The following EPRS1 variants were observed in gnomAD, a reference collection of about 807,000 sequenced individuals.
EPRS1 encodes the protein glutamyl-prolyl-tRNA synthetase 1, also known as bifunctional glutamate/proline--tRNA ligase.
Under a neutral mutation model 188.3 loss-of-function variants are expected in EPRS1, and 107 were observed. The ratio of observed to expected loss-of-function variants is 0.57; its 90% CI spans 0.49 to 0.67. The LOEUF (loss-of-function observed/expected upper bound fraction) is 0.67. EPRS1 is among the 30% of genes least tolerant of loss of function. EPRS1 has a pLI of 0.00. For synonymous variants in EPRS1, 596 were observed against 593.1 expected (o/e 1.00, Z -0.07); for missense variants, 1,577 against 1,802.2 (o/e 0.88, Z 2.26).
intron 13 of EPRS1, among the ~76,000 whole-genome samples, chr1:220,010,487 G>C (rs1195960659): frequency 6.6e-6 from 1 of 152,022 alleles, no homozygotes; most frequent in Non-Finnish European, 1.5e-5. Context: ...GATTTACTTC[G>C]ATTAGTATCA....
chr1:219,986,779 A>ATGTCTGTG (rs777807074), intron 20 of EPRS1, among the ~76,000 whole-genome samples: 1 of 81,754 alleles, frequency 1.2e-5, no homozygotes, highest in Non-Finnish European at 2.6e-5. Flanking sequence ...GAGAGAAAAT[A>ATGTCTGTG]TGTATGTGTG....
chr1:220,013,632 G>T (rs1009707593), intron 12 of EPRS1, among the ~76,000 whole-genome samples: 3 of 152,154 alleles, frequency 2.0e-5, no homozygotes, highest in African/African-American at 7.2e-5. Flanking sequence ...GTTCACTGAT[G>T]CTTCACTTAA....
At chr1:219,988,558 A>C in intron 19 of EPRS1, 32 bp downstream of exon 19, 1 of 1,467,982 alleles carries the variant, frequency 6.8e-7, no homozygotes, top group Non-Finnish European at 9.5e-7. Context: ...AACATAAAAA[A>C]CAAAAGCATA....
chr1:220,046,383 C>G lies in EPRS1; in HGVS notation c.6G>C (p.Ala2=), dbSNP rs1167880093. 3 of 1,614,122 alleles carry G rather than the reference C, an allele frequency of 1.9e-6. No homozygotes were observed. Among genetic ancestry groups the G allele is most frequent in the Admixed American group, 3.3e-5 (2 of 60,024 alleles). M[A]TLSLTVNSGD... is the part of the protein sequence containing the mutation. ...CTGAATTCACGGTCAGAGAGAGCGTCGCCATCTCCACCAGTCCGCTGGTCC... is the reference window on the plus strand; with the variant it reads ...CTGAATTCACGGTCAGAGAGAGCGTGGCCATCTCCACCAGTCCGCTGGTCC... Residue 2 remains alanine (A), a synonymous_variant, in exon 1 of 32, where the codon GCG becomes GCC. Coordinates refer to ENST00000366923, the MANE Select transcript of EPRS1 (RefSeq NM_004446.3).
At chr1:219,971,119 G>A (rs1045633933) in intron 30 of EPRS1, among the ~76,000 whole-genome samples, 3 of 152,096 alleles carry the variant, frequency 2.0e-5, no homozygotes, top group Non-Finnish European at 2.9e-5. Flanking sequence ...TCAGAAGAGT[G>A]ATCTAAATTC....
rs979782264 is a variant in EPRS1 at position 220,036,386 on chromosome 1, T to C, written c.132-1373A>G. Among the ~76,000 whole-genome samples the C allele has an allele frequency of 5.9e-5, 9 of 152,190 alleles. No individual in the cohort carries two copies. In the East Asian group the frequency reaches 1.7e-3, roughly 29 times the overall value. ...TACCATAAAGACACATGCATGGAAA[T>C]GTTCACTGCAGCGCTATTCACAATA... On this transcript the variant is annotated intron_variant, in intron 2 of 31. Transcript: ENST00000366923.
At position 220,001,156 on chromosome 1, in the gene EPRS1, T is replaced by C. The variant is rs1478283529; in HGVS notation, c.2163A>G (p.Val721=). 6.2e-7 allele frequency: 1 copy of C among 1,609,790 alleles called. No homozygotes were observed. Among genetic ancestry groups the C allele is most frequent in the African/African-American group, 1.3e-5 (1 of 74,838 alleles). ...PTSGSKEKTK[V]EATKNETSAP... ...TCATTACCTCATTTTTTGTGGCTTC[T>C]ACTTTGGTCTTTTCCTTTGACCCTG... Residue 721 remains valine (V), a synonymous_variant, in exon 17 of 32, where the codon GTA becomes GTG. Transcript: ENST00000366923.
At chr1:220,036,380 T>C (rs1382095239) in intron 2 of EPRS1, among the ~76,000 whole-genome samples, 1 of 151,960 alleles carries the variant, frequency 6.6e-6, no homozygotes, top group Non-Finnish European at 1.5e-5. Flanking sequence ...GACACATGCA[T>C]GGAAATGTTC....
At chr1:219,979,911 T>G (rs1660860002) in intron 26 of EPRS1, among the ~76,000 whole-genome samples, 174 bp downstream of exon 26, 1 of 152,176 alleles carries the variant, frequency 6.6e-6, no homozygotes, top group Non-Finnish European at 1.5e-5. Context: ...ATACTATGAC[T>G]TAACGAACCA....
intron 5 of EPRS1, among the ~76,000 whole-genome samples, chr1:220,031,299 C>A (rs1198963953): frequency 1.3e-5 from 2 of 152,282 alleles, no homozygotes; most frequent in Admixed American, 6.5e-5. Context: ...AATGAGGAGT[C>A]AGTCCTCAGG....
intron 17 of EPRS1, among the ~76,000 whole-genome samples, chr1:219,998,220 C>G (rs1289036417): frequency 6.6e-6 from 1 of 152,128 alleles, no homozygotes; most frequent in African/African-American, 2.4e-5. Context: ...AAATTTTCAT[C>G]TCTATTCCAG....
intron 13 of EPRS1, 34 bp downstream of exon 13, chr1:220,010,912 G>T: frequency 8.0e-7 from 1 of 1,245,426 alleles, no homozygotes; most frequent in Non-Finnish European, 1.2e-6. Context: ...TCTTTTAACA[G>T]AGAGAAACAC....
chr1:220,040,117 C>A, intron 2 of EPRS1, 68 bp downstream of exon 2: 1 of 1,022,564 alleles, frequency 9.8e-7, no homozygotes, highest in South Asian at 1.4e-5. Context: ...GAGACTCTGT[C>A]TCTAAAAAAA....
chr1:220,005,829 G>GTTTTTTTTTTTTTTTTTTTT (rs879818549), intron 15 of EPRS1, among the ~76,000 whole-genome samples: 2 of 45,728 alleles, frequency 4.4e-5, no homozygotes, highest in Non-Finnish European at 8.5e-5. Context: ...TTTTTTTTTT[G>GTTTTTTTTTTTTTTTTTTTT]TTTTTTTTTT....
Position 220,007,196 on chromosome 1 carries a change from TCTTA to T in EPRS1, c.1742+2_1742+5del. Reference sequence around the variant, plus strand: ...GTTTATTTGAAAACAAACAAAAAGTTCTTACTTGTGTATTTTTGTAATGTTGAGG... The same window carrying T: ...GTTTATTTGAAAACAAACAAAAAGTTCTTGTGTATTTTTGTAATGTTGAGG... On this transcript the variant is annotated splice_donor_variant and splice_donor_5th_base_variant and intron_variant, in intron 14 of 31. Coordinates refer to ENST00000366923, the MANE Select transcript of EPRS1 (RefSeq NM_004446.3). LOFTEE classifies it high-confidence loss of function. 1 of 1,604,530 alleles carries T rather than the reference TCTTA, an allele frequency of 6.2e-7. No individual in the cohort carries two copies. Among genetic ancestry groups the T allele is most frequent in the Non-Finnish European group, 8.5e-7 (1 of 1,176,090 alleles).
At chr1:220,002,884 G>A (rs1364492041) in intron 16 of EPRS1, among the ~76,000 whole-genome samples, 2 of 152,144 alleles carry the variant, frequency 1.3e-5, no homozygotes, top group Non-Finnish European at 2.9e-5. Context: ...AAAGGGTATA[G>A]TAATTAGCAA....
intron 20 of EPRS1, 78 bp from the exon 21 acceptor site, chr1:219,984,335 T>A (rs888140003): frequency 2.1e-6 from 2 of 965,638 alleles, no homozygotes. Context: ...ACCTCTAAAG[T>A]TCAAAATAGA....
intron 28 of EPRS1, among the ~76,000 whole-genome samples, chr1:219,974,578 C>T (rs550783145): frequency 1.4e-4 from 21 of 151,942 alleles, no homozygotes; most frequent in African/African-American, 4.6e-4. Context: ...ATTTAGATGA[C>T]AGGTGGTCAC....
intron 20 of EPRS1, among the ~76,000 whole-genome samples, chr1:219,985,119 A>C (rs1054208408): frequency 6.6e-6 from 1 of 152,204 alleles, no homozygotes; most frequent in East Asian, 1.9e-4. Flanking sequence ...GATATTGTCC[A>C]CAAAATCTAG....
Sources: allele counts gnomAD v4.1 joint callset (sites outside exome capture counted in the v4.1 genomes callset), GRCh38; gene constraint gnomAD v4.1.1; transcripts MANE v1.5; gene names NCBI Gene and HGNC (gene_info 2026-07-23, HGNC 2026-07-21).